The following MACROD2 variants were observed in gnomAD, a reference collection of about 807,000 sequenced individuals.
MACROD2 encodes mono-ADP ribosylhydrolase 2.
In MACROD2, 36 loss-of-function variants were observed where a neutral mutation model predicts 70.4. That is an observed-to-expected ratio of 0.51 (90% confidence interval 0.39 to 0.68). The LOEUF is 0.68. MACROD2 is among the 30% of genes least tolerant of loss of function. The pLI is 0.00. For synonymous variants in MACROD2, 172 were observed against 178.8 expected (o/e 0.96, Z 0.30); for missense variants, 496 against 538.4 (o/e 0.92, Z 0.78).
intron 5 of MACROD2, among the ~76,000 whole-genome samples, chr20:14,964,471 G>C (rs1335464146): frequency 2.0e-5 from 3 of 152,014 alleles, no homozygotes; most frequent in Admixed American, 1.3e-4. Context: ...TACTCAGGAG[G>C]CTGAGGCAGA....
chr20:14,273,730 CAATT>C (rs2082221772), intron 3 of MACROD2, among the ~76,000 whole-genome samples: 1 of 151,898 alleles, frequency 6.6e-6, no homozygotes, highest in Non-Finnish European at 1.5e-5. Flanking sequence ...AGGATCAACA[CAATT>C]GATAGACCGC....
At chr20:14,549,275 GT>G (rs1256626535) in intron 4 of MACROD2, among the ~76,000 whole-genome samples, 1 of 152,122 alleles carries the variant, frequency 6.6e-6, no homozygotes, top group African/African-American at 2.4e-5. Flanking sequence ...TAAGAAGGTA[GT>G]TTCTTCATAT....
intron 5 of MACROD2, among the ~76,000 whole-genome samples, chr20:14,944,360 G>A (rs1226811269): frequency 6.6e-6 from 1 of 152,136 alleles, no homozygotes; most frequent in Non-Finnish European, 1.5e-5. Flanking sequence ...TCAACACATT[G>A]CATTCTCCTT....
At chr20:14,056,909 A>G (rs922236325) in intron 2 of MACROD2, among the ~76,000 whole-genome samples, 5 of 150,908 alleles carry the variant, frequency 3.3e-5, no homozygotes, top group African/African-American at 4.9e-5. Flanking sequence ...TGTGTTTGTC[A>G]TTTTTCTCAT....
chr20:15,394,458 A>T (rs1240343632), intron 6 of MACROD2, among the ~76,000 whole-genome samples: 1 of 152,162 alleles, frequency 6.6e-6, no homozygotes, highest in African/African-American at 2.4e-5. Context: ...TACTTACAGT[A>T]TTAACCAACA....
chr20:16,045,940 TTA>T (rs1414123413), intron 17 of MACROD2, among the ~76,000 whole-genome samples: 1 of 152,006 alleles, frequency 6.6e-6, no homozygotes, highest in Non-Finnish European at 1.5e-5. Context: ...AAGAAGGAAA[TTA>T]TGCTTGATGT....
chr20:15,907,201 T>C (rs2065160579), intron 10 of MACROD2, among the ~76,000 whole-genome samples: 1 of 152,244 alleles, frequency 6.6e-6, no homozygotes, highest in Non-Finnish European at 1.5e-5. Context: ...GATCTGAGTA[T>C]TAAGTGTGTG....
In MACROD2 at chr20:15,227,823, G is replaced by GTTTTTTTTTTT. The variant is rs59129207; in HGVS notation, c.419-2101_419-2091dup. On this transcript the variant is annotated intron_variant, in intron 5 of 17. Transcript: ENST00000684519. Reference sequence around the variant, plus strand: ...TAACTGGTGTGATAGAATTTCACCTGTTTTTTTTTTTTTTTTTTTTTTTTT... The same window carrying GTTTTTTTTTTT: ...TAACTGGTGTGATAGAATTTCACCTGTTTTTTTTTTTTTTTTTTTTTTTTTTTTTTTTTTTT... Among the ~76,000 whole-genome samples the GTTTTTTTTTTT allele has an allele frequency of 7.4e-3, 339 of 46,076 alleles. 75 individuals are homozygous for GTTTTTTTTTTT. The highest frequency in any genetic ancestry group is 0.012 in the African/African-American group (126 of 10,308). The allele number at this position is 46,076 out of a possible 152,430, so 30.2% of individuals were successfully genotyped here.
chr20:15,785,151 CA>C (rs398035431), intron 8 of MACROD2, among the ~76,000 whole-genome samples: 20,368 of 103,286 alleles, frequency 0.2, 787 homozygotes, highest in South Asian at 0.22. Flanking sequence ...GACTCCGTCT[CA>C]AAAAAAAAAA....
chr20:14,152,408 T>A (rs1049231436), intron 3 of MACROD2, among the ~76,000 whole-genome samples: 12 of 148,826 alleles, frequency 8.1e-5, no homozygotes, highest in African/African-American at 2.7e-4. Flanking sequence ...TTTAAAATTC[T>A]GTTCCTTTTT....
At chr20:14,706,992 C>G (rs981872714) in intron 5 of MACROD2, among the ~76,000 whole-genome samples, 2 of 152,140 alleles carry the variant, frequency 1.3e-5, no homozygotes, top group African/African-American at 4.8e-5. Context: ...CAGTAATTCT[C>G]CTTGCTTCTT....
At chr20:15,181,957 A>C (rs1315418329) in intron 5 of MACROD2, among the ~76,000 whole-genome samples, 1 of 152,042 alleles carries the variant, frequency 6.6e-6, no homozygotes, top group Non-Finnish European at 1.5e-5. Context: ...TTTGTTGAGA[A>C]TCAATTCATC....
intron 4 of MACROD2, among the ~76,000 whole-genome samples, chr20:14,622,380 G>A (rs143864629): frequency 1.6e-4 from 25 of 152,224 alleles, no homozygotes; most frequent in African/African-American, 6.0e-4. Context: ...AATGCTGTGT[G>A]CAGTCATATA....
At chr20:14,887,674 C>CA (rs1394727294) in intron 5 of MACROD2, among the ~76,000 whole-genome samples, 1 of 152,026 alleles carries the variant, frequency 6.6e-6, no homozygotes, top group African/African-American at 2.4e-5. Flanking sequence ...AGATGTGAGC[C>CA]ACCGTGGCTG....
chr20:15,541,086 C>A (rs369585169), intron 8 of MACROD2, among the ~76,000 whole-genome samples: 2 of 152,060 alleles, frequency 1.3e-5, no homozygotes, highest in Admixed American at 1.3e-4. Flanking sequence ...GGGTACTACT[C>A]GTGGAAACAG....
intron 5 of MACROD2, among the ~76,000 whole-genome samples, chr20:14,786,328 TGG>T (rs1457300417): frequency 6.6e-6 from 1 of 151,996 alleles, no homozygotes; most frequent in Non-Finnish European, 1.5e-5. Context: ...TTCTAAGCAC[TGG>T]ATATTTGTAC....
intron 5 of MACROD2, among the ~76,000 whole-genome samples, chr20:15,020,182 GA>G (rs2075154029): frequency 6.6e-6 from 1 of 152,098 alleles, no homozygotes; most frequent in Admixed American, 6.6e-5. Context: ...ACATCTCATG[GA>G]ATCAAGGAGA....
chr20:15,504,390 G>A (rs1037594022), intron 8 of MACROD2, among the ~76,000 whole-genome samples: 1 of 152,052 alleles, frequency 6.6e-6, no homozygotes, highest in African/African-American at 2.4e-5. Flanking sequence ...AAAAAAAGGA[G>A]CATTCTCAAA....
chr20:15,074,788 G>A (rs2075645796), intron 5 of MACROD2, among the ~76,000 whole-genome samples: 1 of 152,126 alleles, frequency 6.6e-6, no homozygotes, highest in Non-Finnish European at 1.5e-5. Flanking sequence ...GATGTGATGT[G>A]GTGGGTAGAG....
Sources: gnomAD v4.1 joint callset for allele counts (sites outside exome capture counted in the v4.1 genomes callset) on GRCh38, gnomAD v4.1.1 for gene constraint, MANE v1.5 for transcripts, NCBI Gene and HGNC (gene_info 2026-07-23, HGNC 2026-07-21) for gene names.